Variants in RSRC2 observed in about 807,000 individuals in gnomAD.
The protein encoded by RSRC2 is arginine and serine rich coiled-coil 2.
A neutral mutation model predicts 61.3 loss-of-function variants in RSRC2; 5 were observed. That is an observed-to-expected ratio of 0.08 (90% CI 0.04 to 0.17). RSRC2 has a LOEUF of 0.17. RSRC2 is among the 10% of genes least tolerant of loss of function. RSRC2 has a pLI of 1.00. For missense variants in RSRC2, 381 were observed against 518.8 expected, an observed-to-expected ratio of 0.73 and a Z score of 2.58; for synonymous variants, 202 against 166.5, an observed-to-expected ratio of 1.21 and a Z score of -1.64.
intron 7 of RSRC2, among the ~76,000 whole-genome samples, chr12:122,510,190 T>G (rs978235917): frequency 2.0e-5 from 3 of 152,174 alleles, no homozygotes; most frequent in African/African-American, 7.2e-5. Flanking sequence ...GAAATACATA[T>G]TTCAGATCAG....
intron 1 of RSRC2, chr12:122,523,888 A>G (rs1959636212): frequency 6.6e-6 from 1 of 152,226 alleles, no homozygotes; most frequent in South Asian, 2.1e-4. Flanking sequence ...ATGATAAATT[A>G]AAAACAGAAA....
intron 8 of RSRC2, 83 bp downstream of exon 8, chr12:122,508,135 T>C (rs775547465): frequency 7.9e-7 from 1 of 1,263,308 alleles, no homozygotes; most frequent in Non-Finnish European, 1.2e-6. Flanking sequence ...AAGCCGAAAG[T>C]AATATTTTTC....
chr12:122,510,248 G>T (rs760127907), intron 7 of RSRC2, among the ~76,000 whole-genome samples: 5 of 152,114 alleles, frequency 3.3e-5, no homozygotes, highest in Non-Finnish European at 5.9e-5. Context: ...AAAGACATCT[G>T]GGGCCGGGCG....
At chr12:122,510,704 G>T (rs916322391) in intron 7 of RSRC2, among the ~76,000 whole-genome samples, 21 of 151,046 alleles carry the variant, frequency 1.4e-4, no homozygotes, top group African/African-American at 5.0e-4. Flanking sequence ...AATCATAGGT[G>T]ATTTTCTTCC....
rs1417056404 is a variant in RSRC2 at position 122,517,508 on chromosome 12, TGTA to T, written c.399-81_399-79del. The T allele has an allele frequency of 1.6e-5, 24 of 1,545,836 alleles. No individual in the cohort carries two copies. The African/African-American group carries it at 2.9e-4, about 18-fold the overall frequency. On this transcript the variant is annotated intron_variant, in intron 4 of 9. Coordinates refer to ENST00000331738, the MANE Select transcript of RSRC2 (RefSeq NM_023012.6). ...TTATACACATCATGAATTAGTTACT[TGTA>T]GTAACGCAATAAAGACAAGCAAGTA...
intron 1 of RSRC2, chr12:122,523,834 G>T (rs1959626575): frequency 6.6e-6 from 1 of 150,408 alleles, no homozygotes; most frequent in Admixed American, 6.6e-5. Context: ...TATTTACTAA[G>T]GGTCAAAAAT....
Position 122,505,515 on chromosome 12 carries a change from G to GTGTGA in RSRC2, c.*7_*11dup. On this transcript the variant is annotated 3_prime_UTR_variant, in exon 10 of 10. Transcript: ENST00000331738. ...AGTCTATAAGTCCCAAACTTTACAA[G>GTGTGA]TGTGATCATTTTCAAACTGCATCCA... is the stretch of plus-strand genomic sequence containing the variant. 1 of 1,612,038 alleles carries GTGTGA rather than the reference G, an allele frequency of 6.2e-7. No homozygotes were observed. The highest frequency in any genetic ancestry group is 8.5e-7 in the Non-Finnish European group (1 of 1,178,648).
chr12:122,520,649 C>T, intron 3 of RSRC2: 1 of 1,132,844 alleles, frequency 8.8e-7, no homozygotes, highest in African/African-American at 1.6e-5. Flanking sequence ...CACAAAAACT[C>T]TCCTAAATTA....
chr12:122,517,410 C>G lies in RSRC2; in HGVS notation c.419G>C (p.Arg140Thr). 1 of 1,614,178 alleles carries G rather than the reference C, an allele frequency of 6.2e-7. No homozygotes were observed. The highest frequency in any genetic ancestry group is 8.5e-7 in the Non-Finnish European group (1 of 1,180,030). ...CCTGGATCGAGACTTCTTCCGCTCC[C>G]TGCTTCTACTACGATGGCGTCTGAA... ...SRERRHRSRS[R>T]ERKKSRSRSR... Residue 140 changes from arginine to threonine, a missense_variant, in exon 5 of 10, where the codon AGG becomes ACG. This residue lies in a region of RSRC2 where 266 missense variants were observed against 270.5 expected (regional missense o/e 0.98). Coordinates refer to ENST00000331738, the MANE Select transcript of RSRC2 (RefSeq NM_023012.6).
rs547177127 is a variant in RSRC2 at position 122,520,309 on chromosome 12, G to T, written c.207+1076C>A. The T allele has an allele frequency of 4.2e-5, 14 of 335,188 alleles. No homozygotes were observed. The Admixed American group carries it at 4.7e-4, about 11-fold the overall frequency. The allele number at this position is 335,188 out of a possible 1,614,324, so 20.8% of individuals were successfully genotyped here. On this transcript the variant is annotated intron_variant, in intron 3 of 9. Coordinates refer to ENST00000331738, the MANE Select transcript of RSRC2 (RefSeq NM_023012.6). ...CAGTTCTCTATAGGAGCTTAGAAAA[G>T]AAATTTTCCTTGGTTTTGCTATAAC...
chr12:122,518,834 C>A lies in RSRC2; in HGVS notation c.398+5G>T, dbSNP rs1046969372. The A allele has an allele frequency of 1.9e-6, 3 of 1,610,500 alleles. No homozygotes were observed. The Admixed American group carries it at 5.0e-5, about 27-fold the overall frequency. On this transcript the variant is annotated splice_donor_5th_base_variant and intron_variant, in intron 4 of 9. Coordinates refer to ENST00000331738, the MANE Select transcript of RSRC2 (RefSeq NM_023012.6). ...GGTACTACATTATAATACAACATGA[C>A]TTACCTTTCACGAGACCTAGATCTT...
At chr12:122,508,685 A>G (rs573566460) in intron 7 of RSRC2, among the ~76,000 whole-genome samples, 3 of 152,268 alleles carry the variant, frequency 2.0e-5, no homozygotes, top group African/African-American at 7.2e-5. Context: ...TGCAAGGCGC[A>G]GTGGCTCACG....
chr12:122,508,546 C>T (rs553611450), intron 7 of RSRC2, 99 bp from the exon 8 acceptor site: 4 of 948,634 alleles, frequency 4.2e-6, no homozygotes, highest in Admixed American at 2.7e-5. Context: ...TATGAATGTG[C>T]AAAAAGGCAG....
At chr12:122,522,071 G>C in intron 2 of RSRC2, 72 bp downstream of exon 2, 1 of 1,435,464 alleles carries the variant, frequency 7.0e-7, no homozygotes. Flanking sequence ...AAATGTATGT[G>C]TCTTCTTATA....
At position 122,517,392 on chromosome 12, in the gene RSRC2, C is replaced by G. The variant is rs140060491; in HGVS notation, c.437G>C (p.Arg146Pro). Reference protein sequence around the residue: ...RSRSRERKKSRSRSRERKKSR... With the variant: ...RSRSRERKKSPSRSRERKKSR... ...TTTCTTCCGCTCCCTACTCCTGGAT[C>G]GAGACTTCTTCCGCTCCCTGCTTCT... Residue 146 changes from arginine (R) to proline (P), a missense_variant, in exon 5 of 10, where the codon CGA becomes CCA. By Grantham distance (103) the Arg-to-Pro change is moderately radical (BLOSUM62 -2). Coordinates refer to ENST00000331738, the MANE Select transcript of RSRC2 (RefSeq NM_023012.6). The G allele has an allele frequency of 2.5e-6, 4 of 1,614,092 alleles. No homozygotes were observed. Among genetic ancestry groups the G allele is most frequent in the Middle Eastern group, 1.6e-4 (1 of 6,062 alleles).
At chr12:122,518,696 G>C (rs1959104295) in intron 4 of RSRC2, 143 bp downstream of exon 4, 2 of 716,388 alleles carry the variant, frequency 2.8e-6, no homozygotes, top group East Asian at 2.5e-5. Flanking sequence ...AAAGCCCAAA[G>C]GCAAAAAACA....
At chr12:122,506,511 G>C (rs570777604) in intron 9 of RSRC2, 36 of 218,564 alleles carry the variant, frequency 1.6e-4, no homozygotes, top group African/African-American at 6.6e-4. Context: ...TTGAGAGGCC[G>C]AGGTGGAAGG....
At chr12:122,518,549 T>A (rs1353512422) in intron 4 of RSRC2, among the ~76,000 whole-genome samples, 1 of 149,702 alleles carries the variant, frequency 6.7e-6, no homozygotes, top group African/African-American at 2.5e-5. Context: ...GCCGAGATCA[T>A]GCCACTGCAC....
intron 3 of RSRC2, chr12:122,520,653 T>C: frequency 9.0e-7 from 1 of 1,105,618 alleles, no homozygotes; most frequent in East Asian, 4.9e-5. Context: ...AAAACTCTCC[T>C]AAATTAAAAA....
Sources: allele counts gnomAD v4.1 joint callset (sites outside exome capture counted in the v4.1 genomes callset), GRCh38; gene constraint gnomAD v4.1.1; regional missense constraint gnomAD v4.1.1; transcripts MANE v1.5; gene names NCBI Gene and HGNC (gene_info 2026-07-23, HGNC 2026-07-21).